Variants in INSR observed in about 807,000 individuals in gnomAD.
INSR encodes the protein IR.
In INSR, 67 loss-of-function variants were observed where a neutral mutation model predicts 142.6. The ratio of observed to expected loss-of-function variants is 0.47; its 90% CI spans 0.39 to 0.58. The LOEUF (loss-of-function observed/expected upper bound fraction) is 0.58. Among genes scored for constraint, INSR ranks in the 20% least tolerant of loss-of-function variants. The pLI is 0.00. For missense variants in INSR, 1,248 were observed against 1,833.2 expected, an observed-to-expected ratio of 0.68 and a Z score of 5.83; for synonymous variants, 756 against 743.1, an observed-to-expected ratio of 1.02 and a Z score of -0.28.
At chr19:7,149,684 T>C (rs891866872) in intron 11 of INSR, among the ~76,000 whole-genome samples, 2 of 151,634 alleles carry the variant, frequency 1.3e-5, no homozygotes, top group African/African-American at 4.9e-5. Flanking sequence ...TAGCCGGGCG[T>C]GGTGGCGCAT....
intron 1 of INSR, among the ~76,000 whole-genome samples, chr19:7,293,515 C>A (rs976533720): frequency 6.6e-6 from 1 of 152,204 alleles, no homozygotes; most frequent in African/African-American, 2.4e-5. Context: ...GTCGGAGGCG[C>A]GCTCCAGAGA....
intron 2 of INSR, among the ~76,000 whole-genome samples, chr19:7,249,625 A>T (rs558475503): frequency 3.3e-5 from 5 of 152,194 alleles, no homozygotes; most frequent in Admixed American, 2.0e-4. Flanking sequence ...GTGTGCCAGA[A>T]CTGCTTGAGC....
At chr19:7,291,344 T>C (rs1353572296) in intron 1 of INSR, among the ~76,000 whole-genome samples, 1 of 152,210 alleles carries the variant, frequency 6.6e-6, no homozygotes, top group East Asian at 1.9e-4. Context: ...AAGGGAAGAT[T>C]AAACCGCACC....
At chr19:7,185,157 C>T (rs1160191967) in intron 2 of INSR, among the ~76,000 whole-genome samples, 1 of 152,120 alleles carries the variant, frequency 6.6e-6, no homozygotes, top group Non-Finnish European at 1.5e-5. Context: ...GTATTTGTTA[C>T]TTTTAAAAAG....
intron 3 of INSR, among the ~76,000 whole-genome samples, chr19:7,180,488 C>A (rs955640270): frequency 6.9e-6 from 1 of 143,914 alleles, no homozygotes; most frequent in African/African-American, 2.7e-5. Context: ...CATGTGGGTG[C>A]CACTGCACTC....
In INSR at chr19:7,226,491, C is replaced by T. The variant is rs546355761; in HGVS notation, c.652+40854G>A. Reference sequence around the variant, plus strand: ...CTGTAATCCCAGCAATTTGGGAGGCCGAGGCAGGAGAGTTGCTTGAGCCTG... The same window carrying T: ...CTGTAATCCCAGCAATTTGGGAGGCTGAGGCAGGAGAGTTGCTTGAGCCTG... On this transcript the variant is annotated intron_variant, in intron 2 of 21. Transcript: ENST00000302850. 2.5e-3 allele frequency among the ~76,000 whole-genome samples: 370 copies of T among 150,830 alleles called. 4 individuals carry two copies. The highest frequency in any genetic ancestry group is 8.5e-3 in the African/African-American group (349 of 41,010).
intron 13 of INSR, among the ~76,000 whole-genome samples, chr19:7,137,664 T>C: frequency 6.6e-6 from 1 of 151,764 alleles, no homozygotes. Context: ...CGTGGGTGCC[T>C]GTAATCCCAG....
rs975715378 is a variant in INSR, at chr19:7,214,885, T to A, written c.653-30248A>T. On this transcript the variant is annotated intron_variant, in intron 2 of 21. Transcript: ENST00000302850. ...CGTCCCCACCTCCTTCCTTCCTTCC[T>A]TGTTCCCTCCCTTTTTTTTCCTTCC... 4.3e-5 allele frequency among the ~76,000 whole-genome samples: 6 copies of A among 140,738 alleles called. No individual in the cohort carries two copies. The Admixed American group carries it at 4.4e-4, about 10-fold the overall frequency. The allele number at this position is 140,738 out of a possible 152,430, so 92.3% of individuals were successfully genotyped here.
rs145080093 is a variant in INSR at position 7,135,436 on chromosome 19, C to T, written c.2683-3119G>A. On this transcript the variant is annotated intron_variant, in intron 13 of 21. Transcript: ENST00000302850. Reference sequence around the variant, plus strand: ...GTTCAAGCGATTCTCCTGCCTCAGCCTCCTGAGTAACTGGGATTATAGGCG... The same window carrying T: ...GTTCAAGCGATTCTCCTGCCTCAGCTTCCTGAGTAACTGGGATTATAGGCG... 7.5e-3 allele frequency among the ~76,000 whole-genome samples: 1,117 copies of T among 148,022 alleles called. 9 individuals are homozygous for T. Among genetic ancestry groups the T allele is most frequent in the African/African-American group, 0.027 (1,073 of 40,034 alleles).
chr19:7,122,852 C>G (rs369706721), intron 18 of INSR, 27 bp downstream of exon 18: 1 of 1,610,526 alleles, frequency 6.2e-7, no homozygotes, highest in African/African-American at 1.3e-5. Context: ...CACCGAGTAC[C>G]CCGCTGGGTC....
At chr19:7,213,341 C>CAAAAAAAAAA (rs11343255) in intron 2 of INSR, among the ~76,000 whole-genome samples, 2 of 100,634 alleles carry the variant, frequency 2.0e-5, no homozygotes, top group Non-Finnish European at 3.9e-5. Context: ...GACTCCATCT[C>CAAAAAAAAAA]AAAAAAAAAA....
chr19:7,172,039 G>C (rs1289460685), intron 5 of INSR, among the ~76,000 whole-genome samples: 1 of 151,422 alleles, frequency 6.6e-6, no homozygotes, highest in African/African-American at 2.4e-5. Context: ...AGCCTCCCAA[G>C]TAGCTGGGAT....
chr19:7,190,174 C>T (rs1974540034), intron 2 of INSR, among the ~76,000 whole-genome samples: 1 of 151,530 alleles, frequency 6.6e-6, no homozygotes, highest in African/African-American at 2.4e-5. Flanking sequence ...GAGTGAGATC[C>T]TATCTCTCCT....
intron 2 of INSR, among the ~76,000 whole-genome samples, chr19:7,212,060 C>CCCAA (rs1975292618): frequency 2.8e-5 from 4 of 140,668 alleles, no homozygotes; most frequent in African/African-American, 1.3e-4. Flanking sequence ...GGGGAGGGGC[C>CCCAA]GTCTTGTACA....
chr19:7,251,245 C>T (rs1213574970), intron 2 of INSR, among the ~76,000 whole-genome samples: 1 of 151,954 alleles, frequency 6.6e-6, no homozygotes, highest in Non-Finnish European at 1.5e-5. Context: ...CCCAAACAAA[C>T]ACATCAATTT....
In INSR at chr19:7,119,755, C is replaced by T. The variant is rs1190504022; in HGVS notation, c.3660-172G>A. Among the ~76,000 whole-genome samples, 2 of 137,732 alleles carry T rather than the reference C, an allele frequency of 1.5e-5. No homozygotes were observed. Among genetic ancestry groups the T allele is most frequent in the East Asian group, 4.5e-4 (2 of 4,466 alleles). 90.4% of individuals were successfully genotyped at this position (137,732 alleles called of 152,430 possible). A position where few individuals can be genotyped will look rare whatever the true frequency, so the allele number is the denominator to read the frequency against. ...ACGCACATACACGTGCACACACATGCAAATACACACAAACACGCATGCGCA... is the reference window on the plus strand; with the variant it reads ...ACGCACATACACGTGCACACACATGTAAATACACACAAACACGCATGCGCA... On this transcript the variant is annotated intron_variant, in intron 20 of 21. Transcript: ENST00000302850. The surrounding 1 kb of genome is among the most constrained non-coding windows in gnomAD (Gnocchi z 5.2).
At chr19:7,183,296 G>T (rs1234051962) in intron 3 of INSR, among the ~76,000 whole-genome samples, 1 of 141,730 alleles carries the variant, frequency 7.1e-6, no homozygotes, top group Non-Finnish European at 1.6e-5. Flanking sequence ...GTGTGTGTGT[G>T]TGTTTTAAAA....
chr19:7,271,639 C>T (rs1470761874), intron 1 of INSR, among the ~76,000 whole-genome samples: 1 of 152,182 alleles, frequency 6.6e-6, no homozygotes, highest in African/African-American at 2.4e-5. Flanking sequence ...AATTCCACTC[C>T]TAGGTAACTA....
chr19:7,158,578 G>A (rs942367696), intron 9 of INSR, among the ~76,000 whole-genome samples: 3 of 152,150 alleles, frequency 2.0e-5, no homozygotes, highest in African/African-American at 7.2e-5. Flanking sequence ...CAGAAAGGAG[G>A]ATGGTGGGTG....
Sources: gnomAD v4.1 joint callset for allele counts (sites outside exome capture counted in the v4.1 genomes callset) on GRCh38, gnomAD v4.1.1 for gene constraint, Gnocchi (gnomAD v3.1) non-coding constraint, MANE v1.5 for transcripts, NCBI Gene and HGNC (gene_info 2026-07-23, HGNC 2026-07-21) for gene names.